The following P2RY10 variants were observed in gnomAD, a reference collection of about 807,000 sequenced individuals.
P2RY10 encodes P2Y receptor family member 10, also known as putative P2Y purinoceptor 10.
A neutral mutation model predicts 12.1 loss-of-function variants in P2RY10; 4 were observed. The ratio of observed to expected loss-of-function variants is 0.33; its 90% CI spans 0.16 to 0.76. P2RY10 has a LOEUF of 0.76. Among genes scored for constraint, P2RY10 ranks in the 30% least tolerant of loss-of-function variants. The pLI is 0.61. For synonymous variants in P2RY10, 112 were observed against 94.1 expected (o/e 1.19, Z -1.10); for missense variants, 233 against 264.6 (o/e 0.88, Z 0.83).
chrX:78,946,859 C>A (rs1013772083), intron 1 of P2RY10, among the ~76,000 whole-genome samples: 1 of 111,803 alleles, frequency 8.9e-6, no homozygotes, highest in Non-Finnish European at 1.9e-5. Flanking sequence ...CTGAAGACAT[C>A]AAATGAATAA....
At chrX:78,953,004 G>A (rs976599080) in intron 3 of P2RY10, among the ~76,000 whole-genome samples, 1 of 111,497 alleles carries the variant, frequency 9.0e-6, no homozygotes, top group Non-Finnish European at 1.9e-5. Context: ...GAGGGTAGAG[G>A]AAAATAATTT....
chrX:78,957,061 C>A (rs752994480), intron 3 of P2RY10, among the ~76,000 whole-genome samples: 31 of 109,988 alleles, frequency 2.8e-4, no homozygotes, highest in Non-Finnish European at 5.3e-4. Flanking sequence ...GAGGATTTTA[C>A]ATGGAAGGAA....
At chrX:78,945,793 A>G (rs972193422) in intron 1 of P2RY10, among the ~76,000 whole-genome samples, 2 of 112,048 alleles carry the variant, frequency 1.8e-5, no homozygotes, top group African/African-American at 3.2e-5. Flanking sequence ...GATGGCACAA[A>G]GTGGTAAGAA....
At chrX:78,953,614 C>T (rs1036938593) in intron 3 of P2RY10, among the ~76,000 whole-genome samples, 1 of 111,902 alleles carries the variant, frequency 8.9e-6, no homozygotes, top group Non-Finnish European at 1.9e-5. Context: ...CAAAATTGCT[C>T]AATTCCATAT....
chrX:78,947,225 T>TA (rs1335200360), intron 1 of P2RY10, among the ~76,000 whole-genome samples: 5 of 107,106 alleles, frequency 4.7e-5, no homozygotes, highest in Non-Finnish European at 5.8e-5. Context: ...AAAAAAAAAA[T>TA]AAAAAAAAGA....
intron 1 of P2RY10, 39 bp downstream of exon 1, chrX:78,945,534 T>A (rs942624440): frequency 8.9e-6 from 1 of 111,932 alleles, no homozygotes; most frequent in Admixed American, 9.5e-5. Context: ...GGTGGTTTCA[T>A]GTGGGAAGAT....
At position 78,961,658 on chromosome X, in the gene P2RY10, T is replaced by A; in HGVS notation, c.*118T>A. ...CATTGTAAAAAACAGGAATAAGTAC[T>A]TTTGTGTAATATTCACAGTCAACAG... On this transcript the variant is annotated 3_prime_UTR_variant, in exon 4 of 4. Coordinates refer to ENST00000171757, the MANE Select transcript of P2RY10 (RefSeq NM_014499.4). 1.9e-6 allele frequency: 1 copy of A among 537,047 alleles called. No individual in the cohort carries two copies. The highest frequency in any genetic ancestry group is 3.1e-6 in the Non-Finnish European group (1 of 326,584). 44.3% of individuals were successfully genotyped at this position (537,047 alleles called of 1,213,427 possible).
intron 3 of P2RY10, among the ~76,000 whole-genome samples, chrX:78,953,266 CT>C (rs1265888335): frequency 9.0e-6 from 1 of 111,394 alleles, no homozygotes; most frequent in East Asian, 2.8e-4. Context: ...AGGGAGGATG[CT>C]ATGTGAGACT....
Position 78,960,581 on chromosome X carries a change from G to C in P2RY10, c.61G>C (p.Ala21Pro). 8.3e-7 allele frequency: 1 copy of C among 1,207,924 alleles called. No individual in the cohort carries two copies. The highest frequency in any genetic ancestry group is 1.7e-5 in the African/African-American group (1 of 57,721). ...FKMGSNSTST[A>P]EIYCNVTNVK... ...GATGGGTAGCAACAGTACCAGCACTGCTGAGATTTACTGTAATGTCACTAA... is the reference window on the plus strand; with the variant it reads ...GATGGGTAGCAACAGTACCAGCACTCCTGAGATTTACTGTAATGTCACTAA... The change falls in exon 4 of 4, where the codon GCT becomes CCT. Residue 21 changes from alanine to proline, a missense_variant. By Grantham distance (27) the Ala-to-Pro change is conservative. Coordinates refer to ENST00000171757, the MANE Select transcript of P2RY10 (RefSeq NM_014499.4).
Position 78,960,636 on chromosome X carries a change from C to T in P2RY10, c.116C>T (p.Thr39Ile). ...AAATTTCAATACTCCCTCTATGCAA[C>T]CACCTATATCCTCATATTCATTCCT... is the stretch of plus-strand genomic sequence containing the variant. ...NVKFQYSLYA[T>I]TYILIFIPGL... Residue 39 changes from threonine (T) to isoleucine (I), a missense_variant, in exon 4 of 4, where the codon ACC becomes ATC. Coordinates refer to ENST00000171757, the MANE Select transcript of P2RY10 (RefSeq NM_014499.4). 1.7e-6 allele frequency: 2 copies of T among 1,210,564 alleles called. No individual in the cohort carries two copies. The highest frequency in any genetic ancestry group is 2.2e-6 in the Non-Finnish European group (2 of 894,559).
intron 1 of P2RY10, among the ~76,000 whole-genome samples, chrX:78,947,522 G>A (rs758102411): frequency 8.9e-6 from 1 of 112,098 alleles, no homozygotes; most frequent in Non-Finnish European, 1.9e-5. Flanking sequence ...TATAGTTCAA[G>A]TTCTGCCAAT....
chrX:78,954,044 A>T (rs891913399), intron 3 of P2RY10, among the ~76,000 whole-genome samples: 1 of 109,879 alleles, frequency 9.1e-6, no homozygotes, highest in Admixed American at 9.7e-5. Context: ...TTTTTGTTTT[A>T]TATTTTTTTG....
At position 78,952,188 on chromosome X, in the gene P2RY10, A is replaced by T; in HGVS notation, c.-156-5A>T. ...GGTGGCTGATTTTTCTGCTTTTCTT[A>T]TTAGGTTAAAACTCTATGCTGGTCA... On this transcript the variant is annotated splice_region_variant and splice_polypyrimidine_tract_variant and intron_variant, in intron 2 of 3. Coordinates refer to ENST00000171757, the MANE Select transcript of P2RY10 (RefSeq NM_014499.4). The T allele has an allele frequency of 1.3e-6, 1 of 748,833 alleles. No individual in the cohort carries two copies. 61.7% of individuals were successfully genotyped at this position (748,833 alleles called of 1,213,427 possible).
intron 3 of P2RY10, among the ~76,000 whole-genome samples, chrX:78,953,227 C>T (rs1922185857): frequency 9.0e-6 from 1 of 111,702 alleles, no homozygotes; most frequent in Non-Finnish European, 1.9e-5. Context: ...ACTATTTAAT[C>T]TGGGTTAGAC....
intron 2 of P2RY10, among the ~76,000 whole-genome samples, chrX:78,949,523 A>T (rs1267889431): frequency 8.9e-6 from 1 of 111,990 alleles, no homozygotes; most frequent in East Asian, 2.8e-4. Flanking sequence ...TCCAAAGAAC[A>T]TGATTATTTC....
chrX:78,961,480 C>G lies in P2RY10; in HGVS notation c.960C>G (p.Gly320=). Residue 320 remains glycine (G), a synonymous_variant, in exon 4 of 4, where the codon GGC becomes GGG. Coordinates refer to ENST00000171757, the MANE Select transcript of P2RY10 (RefSeq NM_014499.4). ...SEFRDQLSRH[G]SSVTRSRLMS... Reference sequence around the variant, plus strand: ...TTCGTGACCAACTATCCCGCCATGGCAGTTCTGTGACCCGCTCCCGCCTCA... The same window carrying G: ...TTCGTGACCAACTATCCCGCCATGGGAGTTCTGTGACCCGCTCCCGCCTCA... The G allele has an allele frequency of 8.3e-7, 1 of 1,210,367 alleles. No homozygotes were observed. The highest frequency in any genetic ancestry group is 1.1e-6 in the Non-Finnish European group (1 of 894,546).
At position 78,952,195 on chromosome X, in the gene P2RY10, TA is replaced by T. The variant is rs1280143657; in HGVS notation, c.-150del. The T allele has an allele frequency of 1.7e-5, 13 of 749,536 alleles. No individual in the cohort carries two copies. The highest frequency in any genetic ancestry group is 2.0e-5 in the Non-Finnish European group (13 of 636,207). 61.8% of individuals were successfully genotyped at this position (749,536 alleles called of 1,213,427 possible). A position where few individuals can be genotyped will look rare whatever the true frequency, so the allele number is the denominator to read the frequency against. Reference sequence around the variant, plus strand: ...GATTTTTCTGCTTTTCTTATTAGGTTAAAACTCTATGCTGGTCATTCCCTTC... The same window carrying T: ...GATTTTTCTGCTTTTCTTATTAGGTTAAACTCTATGCTGGTCATTCCCTTC... On this transcript the variant is annotated 5_prime_UTR_variant, in exon 3 of 4. It introduces an in-frame stop codon into an upstream open reading frame of the 5' UTR. Coordinates refer to ENST00000171757, the MANE Select transcript of P2RY10 (RefSeq NM_014499.4).
In P2RY10 at chrX:78,962,819, C is replaced by A. The variant is rs1165907965; in HGVS notation, c.*1279C>A. On this transcript the variant is annotated 3_prime_UTR_variant, in exon 4 of 4. Coordinates refer to ENST00000171757, the MANE Select transcript of P2RY10 (RefSeq NM_014499.4). ...GTGGAGTGATAAACATTCTATAAAA[C>A]CTGGAAATTTGTGTGGAGTTCGCCT... is the stretch of plus-strand genomic sequence containing the variant. Among the ~76,000 whole-genome samples the A allele has an allele frequency of 1.1e-4, 12 of 110,555 alleles. No homozygotes were observed. The highest frequency in any genetic ancestry group is 4.7e-3 in the Middle Eastern group (1 of 215).
intron 3 of P2RY10, among the ~76,000 whole-genome samples, chrX:78,957,343 T>C (rs1204444510): frequency 3.5e-5 from 2 of 56,685 alleles, no homozygotes; most frequent in African/African-American, 1.3e-4. Flanking sequence ...GACTCATAGA[T>C]AGAGGAAGAG....
Sources: gnomAD v4.1 joint callset for allele counts (sites outside exome capture counted in the v4.1 genomes callset) on GRCh38, gnomAD v4.1.1 for gene constraint, MANE v1.5 for transcripts, NCBI Gene and HGNC (gene_info 2026-07-23, HGNC 2026-07-21) for gene names.